Variants in RHBDF2 observed in about 807,000 individuals in gnomAD.
The protein encoded by RHBDF2 is inactive rhomboid protein 2.
RHBDF2 carries 38 observed loss-of-function variants against 95.2 expected under a neutral mutation model. The observed-to-expected ratio is 0.40, with a 90% confidence interval of 0.31 to 0.52. RHBDF2 has a LOEUF of 0.52. RHBDF2 is among the 20% of genes least tolerant of loss of function. The pLI is 0.56. For missense variants in RHBDF2, 863 were observed against 1,137.7 expected, an observed-to-expected ratio of 0.76 and a Z score of 3.47; for synonymous variants, 442 against 462.0, an observed-to-expected ratio of 0.96 and a Z score of 0.55.
chr17:76,473,348 G>C, intron 15 of RHBDF2, 21 bp from the exon 16 acceptor site: 1 of 1,601,284 alleles, frequency 6.2e-7, no homozygotes, highest in Non-Finnish European at 8.5e-7. Context: ...GGTGAGGCAA[G>C]AGGGGACATC....
chr17:76,479,903 C>A, intron 3 of RHBDF2, 49 bp from the exon 4 acceptor site: 1 of 1,603,988 alleles, frequency 6.2e-7, no homozygotes, highest in South Asian at 1.1e-5. Flanking sequence ...CAGCCCAGGT[C>A]CTGGGCTGGC....
At position 76,474,132 on chromosome 17, in the gene RHBDF2, G is replaced by A; in HGVS notation, c.1475C>T (p.Ala492Val). 1.3e-6 allele frequency: 2 copies of A among 1,584,424 alleles called. No individual in the cohort carries two copies. Among genetic ancestry groups the A allele is most frequent in the Non-Finnish European group, 8.6e-7 (1 of 1,167,692 alleles). The change falls in exon 13 of 19, where the codon GCC becomes GTC. Residue 492 changes from alanine (A) to valine (V), a missense_variant. Around this residue, in one of 2 missense-constraint regions of RHBDF2, gnomAD observed 611 missense variants for 725.5 expected, o/e 0.84. Coordinates refer to ENST00000675367, the MANE Select transcript of RHBDF2 (RefSeq NM_001005498.4). ...GTCATCCTGCCACTTGACAAAAGTG[G>A]CCAAAGTCTCCTGGAGGGCAGAAGA... Reference protein sequence around the residue: ...TQRKDCSETLATFVKWQDDTG... With the variant: ...TQRKDCSETLVTFVKWQDDTG...
chr17:76,472,656 C>T (rs751813066), intron 18 of RHBDF2, 30 bp downstream of exon 18: 13 of 1,613,310 alleles, frequency 8.1e-6, no homozygotes, highest in South Asian at 5.5e-5. Context: ...CCCCTATGTG[C>T]GGAAGGGGTC....
intron 4 of RHBDF2, 167 bp from the exon 5 acceptor site, chr17:76,479,444 G>A (rs1184507995): frequency 9.7e-7 from 1 of 1,035,954 alleles, no homozygotes; most frequent in Non-Finnish European, 1.4e-6. Context: ...ATGAGCAGAA[G>A]CAGGGGATGA....
chr17:76,499,433 T>G (rs1180167828), intron 1 of RHBDF2, among the ~76,000 whole-genome samples: 2 of 152,102 alleles, frequency 1.3e-5, no homozygotes, highest in Non-Finnish European at 2.9e-5. Flanking sequence ...TACAAACAAC[T>G]CTGAGTCATC....
intron 2 of RHBDF2, among the ~76,000 whole-genome samples, chr17:76,484,315 C>T (rs1200093185): frequency 2.0e-5 from 3 of 152,136 alleles, no homozygotes; most frequent in African/African-American, 7.2e-5. Context: ...TCCTCTCCTT[C>T]ACATCCCAAG....
chr17:76,479,699 G>C (rs374382074), intron 4 of RHBDF2, 34 bp downstream of exon 4: 59 of 1,512,228 alleles, frequency 3.9e-5, no homozygotes, highest in Middle Eastern at 2.2e-4. Flanking sequence ...GTTGCTGGGT[G>C]GGGGGTGCTG....
Position 76,481,358 on chromosome 17 carries a change from C to A in RHBDF2, c.150+17G>T, listed in dbSNP as rs1462250235. 2 of 1,603,152 alleles carry A rather than the reference C, an allele frequency of 1.2e-6. No homozygotes were observed. Among genetic ancestry groups the A allele is most frequent in the Non-Finnish European group, 1.7e-6 (2 of 1,175,472 alleles). ...TACCTACGGCAGAACAGTGAGCCCC[C>A]AGGCCAGCCCCCTTACCTCAGGCAG... On this transcript the variant is annotated intron_variant, in intron 3 of 18. Transcript: ENST00000675367.
At position 76,477,220 on chromosome 17, in the gene RHBDF2, A is replaced by G; in HGVS notation, c.880T>C (p.Ser294Pro). The G allele has an allele frequency of 6.2e-7, 1 of 1,609,994 alleles. No homozygotes were observed. The highest frequency in any genetic ancestry group is 8.5e-7 in the Non-Finnish European group (1 of 1,178,802). The change falls in exon 8 of 19, where the codon TCA (serine) becomes CCA (proline). Residue 294 changes from serine to proline, a missense_variant. Ser to Pro is a moderately conservative substitution (Grantham distance 74). Coordinates refer to ENST00000675367, the MANE Select transcript of RHBDF2 (RefSeq NM_001005498.4). ...CCATCGGGGGAGACAGGGGAGGCTG[A>G]GTGTGGGATCCCTCGGAAGTAGCTG... is the stretch of plus-strand genomic sequence containing the variant. Reference protein sequence around the residue: ...SASYFRGIPHSASPVSPDGVQ... With the variant: ...SASYFRGIPHPASPVSPDGVQ...
At chr17:76,474,883 G>C (rs1162954277) in intron 10 of RHBDF2, 79 bp from the exon 11 acceptor site, 3 of 1,567,776 alleles carry the variant, frequency 1.9e-6, no homozygotes, top group Non-Finnish European at 2.6e-6. Context: ...GCTGTCCCCA[G>C]GATAGAGCCT....
At chr17:76,494,255 C>T (rs544658829) in intron 1 of RHBDF2, among the ~76,000 whole-genome samples, 5 of 152,200 alleles carry the variant, frequency 3.3e-5, no homozygotes, top group Non-Finnish European at 5.9e-5. Flanking sequence ...GCCCCCTCCT[C>T]GGCTGGGGTT....
intron 3 of RHBDF2, among the ~76,000 whole-genome samples, chr17:76,480,211 T>C (rs2073923527): frequency 6.7e-6 from 1 of 149,686 alleles, no homozygotes; most frequent in Non-Finnish European, 1.5e-5. Flanking sequence ...GCCTCCTGAG[T>C]AGCTGGGACT....
chr17:76,477,655 G>T lies in RHBDF2; in HGVS notation c.801+2C>A. The T allele has an allele frequency of 6.2e-7, 1 of 1,613,924 alleles. No individual in the cohort carries two copies. Among genetic ancestry groups the T allele is most frequent in the Non-Finnish European group, 8.5e-7 (1 of 1,179,902 alleles). On this transcript the variant is annotated splice_donor_variant, in intron 7 of 18. Coordinates refer to ENST00000675367, the MANE Select transcript of RHBDF2 (RefSeq NM_001005498.4). LOFTEE classifies it high-confidence loss of function. ...TCCTGCTGTCCCACACCCCATGCTT[G>T]CCTTACTAAAAAAGGAGGAGTCAAA...
chr17:76,499,232 C>A (rs549046191), intron 1 of RHBDF2, among the ~76,000 whole-genome samples: 1 of 152,220 alleles, frequency 6.6e-6, no homozygotes, highest in African/African-American at 2.4e-5. Context: ...ACCAGGGTTC[C>A]CAGGCAAGAA....
chr17:76,493,568 C>G (rs535957000), intron 1 of RHBDF2, among the ~76,000 whole-genome samples: 1 of 151,994 alleles, frequency 6.6e-6, no homozygotes, highest in Non-Finnish European at 1.5e-5. Flanking sequence ...GCATGAGCTG[C>G]GGCGTGAGCT....
rs2073547024 is a variant in RHBDF2, at chr17:76,471,221, T to A, written c.*412A>T. 5.4e-6 allele frequency: 1 copy of A among 185,832 alleles called. No individual in the cohort carries two copies. Among genetic ancestry groups the A allele is most frequent in the Non-Finnish European group, 1.1e-5 (1 of 87,774 alleles). 11.5% of individuals were successfully genotyped at this position (185,832 alleles called of 1,614,324 possible). ...GTGGGCACCCAGCCCTGGGGGCAAC[T>A]GAGGGCACAGCCACGTCCCCAGCAA... On this transcript the variant is annotated 3_prime_UTR_variant, in exon 19 of 19. Coordinates refer to ENST00000675367, the MANE Select transcript of RHBDF2 (RefSeq NM_001005498.4).
Position 76,477,008 on chromosome 17 carries a change from C to A in RHBDF2, c.937G>T (p.Ala313Ser). ...CCGCGCCGGGGCCCGGGGACTGGGG[C>A]TCGGCCATACTCCTTCCTGGTGGGG... is the stretch of plus-strand genomic sequence containing the variant. ...VQIPLKEYGRAPVPGPRRGKR... is the reference protein window; with the variant it reads ...VQIPLKEYGRSPVPGPRRGKR... The change falls in exon 9 of 19, where the codon GCC (alanine) becomes TCC (serine). Residue 313 changes from alanine to serine, a missense_variant. Around this residue, in one of 2 missense-constraint regions of RHBDF2, gnomAD observed 611 missense variants for 725.5 expected, o/e 0.84. Transcript: ENST00000675367. The A allele has an allele frequency of 6.2e-7, 1 of 1,613,658 alleles. No homozygotes were observed. The highest frequency in any genetic ancestry group is 8.5e-7 in the Non-Finnish European group (1 of 1,179,964).
At chr17:76,491,665 A>G (rs1026398696) in intron 1 of RHBDF2, among the ~76,000 whole-genome samples, 7 of 152,172 alleles carry the variant, frequency 4.6e-5, no homozygotes, top group African/African-American at 1.4e-4. Context: ...AAGCCTAAAC[A>G]TGGAGTATGG....
rs192376885 is a variant in RHBDF2 at position 76,471,765 on chromosome 17, G to A, written c.2352C>T (p.Ala784=). ...ACAGCACGAGGGCGGCGAAGAGGCC[G>A]GCAAAGGCCAGCAGTGACACCAGGA... is the stretch of plus-strand genomic sequence containing the variant. The part of the protein sequence containing the change: ...ALILVSLLAF[A]GLFAALVLWL... Residue 784 remains alanine (A), a synonymous_variant, in exon 19 of 19, where the codon GCC becomes GCT. Coordinates refer to ENST00000675367, the MANE Select transcript of RHBDF2 (RefSeq NM_001005498.4). 2.9e-5 allele frequency: 47 copies of A among 1,609,758 alleles called. No individual in the cohort carries two copies. The highest frequency in any genetic ancestry group is 2.7e-4 in the East Asian group (12 of 44,708).
Sources: allele counts gnomAD v4.1 joint callset (sites outside exome capture counted in the v4.1 genomes callset), GRCh38; gene constraint gnomAD v4.1.1; regional missense constraint gnomAD v4.1.1; transcripts MANE v1.5; gene names NCBI Gene and HGNC (gene_info 2026-07-23, HGNC 2026-07-21).